The following EPHA5 variants were observed in gnomAD, a reference collection of about 807,000 sequenced individuals.
The protein encoded by EPHA5 is EPH receptor A5.
Under a neutral mutation model 105.0 loss-of-function variants are expected in EPHA5, and 60 were observed. That is an observed-to-expected ratio of 0.57 (90% CI 0.46 to 0.71). The LOEUF is 0.71. Ranked by LOEUF, EPHA5 falls within the 30% of genes least tolerant of loss-of-function variation. The pLI is 0.00. For synonymous variants in EPHA5, 513 were observed against 449.1 expected (o/e 1.14, Z -1.80); for missense variants, 1,218 against 1,274.7 (o/e 0.96, Z 0.68).
At chr4:65,576,496 G>T (rs1206352644) in intron 3 of EPHA5, among the ~76,000 whole-genome samples, 1 of 152,098 alleles carries the variant, frequency 6.6e-6, no homozygotes, top group Non-Finnish European at 1.5e-5. Flanking sequence ...TATGGTTTTT[G>T]AACACAAACA....
chr4:65,623,366 C>T (rs1217861575), intron 2 of EPHA5, among the ~76,000 whole-genome samples: 1 of 151,984 alleles, frequency 6.6e-6, no homozygotes, highest in Non-Finnish European at 1.5e-5. Flanking sequence ...AACTTCAAAT[C>T]CATTTATTTG....
chr4:65,375,122 T>C (rs1479240734), intron 8 of EPHA5, among the ~76,000 whole-genome samples: 1 of 151,872 alleles, frequency 6.6e-6, no homozygotes, highest in African/African-American at 2.4e-5. Context: ...GGAGAACTTT[T>C]TTATTGTTTA....
intron 5 of EPHA5, among the ~76,000 whole-genome samples, chr4:65,472,422 G>T (rs780504798): frequency 6.6e-6 from 1 of 152,202 alleles, no homozygotes; most frequent in Non-Finnish European, 1.5e-5. Context: ...GACACTGTGT[G>T]GGTGCTCCGA....
At chr4:65,509,018 T>C (rs957211459) in intron 3 of EPHA5, among the ~76,000 whole-genome samples, 1 of 152,132 alleles carries the variant, frequency 6.6e-6, no homozygotes, top group Non-Finnish European at 1.5e-5. Flanking sequence ...ATCTATAAAA[T>C]ATTCCTCTTT....
At chr4:65,620,508 AATATAC>A (rs1006534423) in intron 2 of EPHA5, among the ~76,000 whole-genome samples, 15 of 152,190 alleles carry the variant, frequency 9.9e-5, no homozygotes, top group Admixed American at 2.0e-4. Flanking sequence ...AGAAGGGGGA[AATATAC>A]ATATACATAT....
At chr4:65,612,713 T>G (rs1239011993) in intron 2 of EPHA5, among the ~76,000 whole-genome samples, 1 of 152,188 alleles carries the variant, frequency 6.6e-6, no homozygotes. Context: ...CACTTTTTAA[T>G]AAGGTTATTT....
At chr4:65,604,217 G>A (rs1260688543) in intron 2 of EPHA5, among the ~76,000 whole-genome samples, 2 of 152,204 alleles carry the variant, frequency 1.3e-5, no homozygotes, top group African/African-American at 4.8e-5. Flanking sequence ...TATAAGCCAA[G>A]CAATTCAGCC....
chr4:65,414,449 G>C lies in EPHA5; in HGVS notation c.1528-6C>G, dbSNP rs777138597. On this transcript the variant is annotated splice_polypyrimidine_tract_variant and splice_region_variant and intron_variant, in intron 6 of 16. Transcript: ENST00000613740. ...GTGTAGCTGGTCTCTTGGTCCTTGGGATGCGCATGCATATACAATAAAAAA... is the reference window on the plus strand; with the variant it reads ...GTGTAGCTGGTCTCTTGGTCCTTGGCATGCGCATGCATATACAATAAAAAA... 6.2e-7 allele frequency: 1 copy of C among 1,613,620 alleles called. No homozygotes were observed. Among genetic ancestry groups the C allele is most frequent in the East Asian group, 2.2e-5 (1 of 44,822 alleles).
chr4:65,331,285 T>C, intron 16 of EPHA5: 1 of 1,029,616 alleles, frequency 9.7e-7, no homozygotes, highest in South Asian at 4.7e-5. Context: ...GTACAGAGTA[T>C]ATAATAAAAT....
chr4:65,399,187 C>T (rs28433491), intron 8 of EPHA5, among the ~76,000 whole-genome samples: 13,152 of 152,174 alleles, frequency 0.086, 1,000 homozygotes, highest in African/African-American at 0.2. Flanking sequence ...AGACATGGTG[C>T]CCACAGTGAA....
chr4:65,635,653 A>G (rs1204450666), intron 2 of EPHA5, among the ~76,000 whole-genome samples: 1 of 152,152 alleles, frequency 6.6e-6, no homozygotes, highest in Non-Finnish European at 1.5e-5. Flanking sequence ...AAACTGTTCT[A>G]AGCAAACACC....
At position 65,395,152 on chromosome 4, in the gene EPHA5, T is replaced by C. The variant is rs536664181; in HGVS notation, c.1793+9222A>G. 4.6e-5 allele frequency among the ~76,000 whole-genome samples: 7 copies of C among 152,330 alleles called. No homozygotes were observed. In the South Asian group the frequency reaches 1.5e-3, roughly 32 times the overall value. ...ACTGTGCCAGGCATGTAGCAAGAAC[T>C]CAGATACTTCTTGAATTAATGATTC... On this transcript the variant is annotated intron_variant, in intron 8 of 16. Coordinates refer to ENST00000613740, the MANE Select transcript of EPHA5 (RefSeq NM_001281766.3).
chr4:65,480,654 C>T (rs1222424142), intron 5 of EPHA5, among the ~76,000 whole-genome samples: 3 of 152,036 alleles, frequency 2.0e-5, no homozygotes, highest in African/African-American at 7.2e-5. Flanking sequence ...AAAATCAAGA[C>T]CTTGTCATTC....
intron 3 of EPHA5, among the ~76,000 whole-genome samples, chr4:65,556,516 C>T (rs907216861): frequency 6.6e-6 from 1 of 152,092 alleles, no homozygotes; most frequent in South Asian, 2.1e-4. Flanking sequence ...CATTAAGTTA[C>T]GTTTCTATGA....
chr4:65,330,750 T>A (rs1720532819), intron 16 of EPHA5: 1 of 1,016,982 alleles, frequency 9.8e-7, no homozygotes, highest in Non-Finnish European at 1.2e-6. Flanking sequence ...TATACCAGTT[T>A]AAATATAGCA....
intron 8 of EPHA5, among the ~76,000 whole-genome samples, chr4:65,374,868 A>G (rs955901498): frequency 1.3e-5 from 2 of 151,908 alleles, no homozygotes; most frequent in East Asian, 1.9e-4. Flanking sequence ...TGCTGGTATG[A>G]TGAGACATGC....
At chr4:65,500,176 C>T (rs527446503) in intron 3 of EPHA5, among the ~76,000 whole-genome samples, 15 of 151,310 alleles carry the variant, frequency 9.9e-5, no homozygotes, top group African/African-American at 1.7e-4. Context: ...TAAAAATAAA[C>T]GAAGCTTCTG....
At chr4:65,443,877 T>C (rs1210007483) in intron 5 of EPHA5, among the ~76,000 whole-genome samples, 1 of 151,004 alleles carries the variant, frequency 6.6e-6, no homozygotes, top group Non-Finnish European at 1.5e-5. Flanking sequence ...TTGAAAAAAA[T>C]AGTTTCTACT....
At chr4:65,561,865 G>T (rs1739048894) in intron 3 of EPHA5, among the ~76,000 whole-genome samples, 1 of 151,950 alleles carries the variant, frequency 6.6e-6, no homozygotes, top group African/African-American at 2.4e-5. Flanking sequence ...AAACATAAGT[G>T]CCTATAAAAA....
Sources: gnomAD v4.1 joint callset for allele counts (sites outside exome capture counted in the v4.1 genomes callset) on GRCh38, gnomAD v4.1.1 for gene constraint, MANE v1.5 for transcripts, NCBI Gene and HGNC (gene_info 2026-07-23, HGNC 2026-07-21) for gene names.